NUP133: variants seen among roughly 807,000 people sequenced by gnomAD.
NUP133 encodes the protein nuclear pore complex protein Nup133.
NUP133 carries 66 observed loss-of-function variants against 146.2 expected under a neutral mutation model. The observed-to-expected ratio is 0.45, with a 90% CI of 0.37 to 0.55. The LOEUF is 0.55. Among genes scored for constraint, NUP133 ranks in the 20% least tolerant of loss-of-function variants. The pLI, the probability that NUP133 is intolerant of heterozygous loss-of-function variation, is 0.00. For missense variants in NUP133, 1,277 were observed against 1,374.8 expected, an observed-to-expected ratio of 0.93 and a Z score of 1.12; for synonymous variants, 521 against 498.8, an observed-to-expected ratio of 1.04 and a Z score of -0.59.
Position 229,502,106 on chromosome 1 carries a change from A to C in NUP133, c.302-4T>G. The C allele has an allele frequency of 6.2e-7, 1 of 1,609,058 alleles. No homozygotes were observed. On this transcript the variant is annotated splice_region_variant and splice_polypyrimidine_tract_variant and intron_variant, in intron 2 of 25. Transcript: ENST00000261396. ...TTAATGGTCAGCTGGTCATCGACTA[A>C]AGGAAAAAATGAGGTGGGTGATTAA...
At chr1:229,461,401 C>A (rs1338315135) in intron 19 of NUP133, among the ~76,000 whole-genome samples, 2 of 152,178 alleles carry the variant, frequency 1.3e-5, no homozygotes, top group African/African-American at 2.4e-5. Context: ...GATACTTTCC[C>A]TAAAGCAGGG....
chr1:229,468,958 C>T (rs149796244), intron 15 of NUP133, among the ~76,000 whole-genome samples: 73 of 152,250 alleles, frequency 4.8e-4, no homozygotes, highest in African/African-American at 1.5e-3. Flanking sequence ...ACACTAAACA[C>T]ATTTATGGAA....
At chr1:229,446,007 A>C (rs905951943) in intron 24 of NUP133, among the ~76,000 whole-genome samples, 2 of 152,214 alleles carry the variant, frequency 1.3e-5, no homozygotes, top group Non-Finnish European at 1.5e-5. Flanking sequence ...TCCTGGAAAG[A>C]ATTTGTTCCT....
chr1:229,466,129 G>A (rs115465976), intron 16 of NUP133, among the ~76,000 whole-genome samples: 4,607 of 152,152 alleles, frequency 0.03, 241 homozygotes, highest in African/African-American at 0.1. Flanking sequence ...GCAAGGTTTT[G>A]AGTAATTAAA....
chr1:229,478,713 A>C (rs1435421563), intron 12 of NUP133, among the ~76,000 whole-genome samples: 3 of 152,192 alleles, frequency 2.0e-5, no homozygotes, highest in African/African-American at 7.2e-5. Context: ...CACATGAAGA[A>C]ACGAGGGATA....
intron 24 of NUP133, among the ~76,000 whole-genome samples, chr1:229,446,864 C>G (rs12057446): frequency 6.6e-6 from 1 of 152,072 alleles, no homozygotes; most frequent in Non-Finnish European, 1.5e-5. Context: ...TGGTGGCTCA[C>G]GTCTGTAATC....
intron 24 of NUP133, among the ~76,000 whole-genome samples, chr1:229,446,135 G>A (rs1171567226): frequency 1.3e-5 from 2 of 152,166 alleles, no homozygotes; most frequent in African/African-American, 2.4e-5. Flanking sequence ...TGCCAGGCGC[G>A]GTGGCTCATG....
At chr1:229,480,855 T>A (rs1337454371) in intron 12 of NUP133, among the ~76,000 whole-genome samples, 1 of 141,102 alleles carries the variant, frequency 7.1e-6, no homozygotes, top group African/African-American at 3.0e-5. Context: ...CCCAGCTATT[T>A]TTTTTTTTTT....
At chr1:229,503,135 G>GGGCATGGT (rs1348881618) in intron 2 of NUP133, among the ~76,000 whole-genome samples, 3 of 151,928 alleles carry the variant, frequency 2.0e-5, no homozygotes, top group Admixed American at 6.6e-5. Flanking sequence ...CCAGGCATGG[G>GGGCATGGT]GGCATGGTGG....
intron 19 of NUP133, among the ~76,000 whole-genome samples, chr1:229,461,010 T>C (rs548135501): frequency 3.1e-4 from 47 of 152,314 alleles, no homozygotes; most frequent in African/African-American, 1.1e-3. Context: ...AGATGTGCGC[T>C]GGCCAATATG....
At chr1:229,492,197 C>A (rs1283738531) in intron 8 of NUP133, among the ~76,000 whole-genome samples, 1 of 151,826 alleles carries the variant, frequency 6.6e-6, no homozygotes, top group African/African-American at 2.4e-5. Context: ...ACCTCCGCCT[C>A]CTGGGTTCAA....
intron 8 of NUP133, among the ~76,000 whole-genome samples, chr1:229,492,152 G>T (rs1306463367): frequency 6.6e-6 from 1 of 151,244 alleles, no homozygotes; most frequent in Non-Finnish European, 1.5e-5. Context: ...TGTTGCCCAG[G>T]CTGCAGTGCC....
intron 14 of NUP133, among the ~76,000 whole-genome samples, chr1:229,475,277 G>A (rs16849824): frequency 0.045 from 6,887 of 152,204 alleles, 455 homozygotes; most frequent in African/African-American, 0.15. Flanking sequence ...CACAATATAT[G>A]TGAGGATAAC....
intron 24 of NUP133, among the ~76,000 whole-genome samples, chr1:229,448,602 A>T (rs1660367205): frequency 2.0e-5 from 3 of 152,146 alleles, no homozygotes; most frequent in Non-Finnish European, 4.4e-5. Context: ...TCTGTGTAAG[A>T]AGTAGCCATT....
intron 9 of NUP133, 52 bp from the exon 10 acceptor site, chr1:229,487,665 T>TGTTG: frequency 7.4e-7 from 1 of 1,354,756 alleles, no homozygotes; most frequent in Non-Finnish European, 1.0e-6. Context: ...CAAAAATATT[T>TGTTG]GTATGATTTT....
chr1:229,477,474 T>A (rs1661105949), intron 13 of NUP133, 123 bp downstream of exon 13: 1 of 746,152 alleles, frequency 1.3e-6, no homozygotes, highest in African/African-American at 1.8e-5. Context: ...CACAATATTT[T>A]AAAAAATATT....
At chr1:229,481,423 C>A (rs748946055) in intron 12 of NUP133, among the ~76,000 whole-genome samples, 65 of 152,014 alleles carry the variant, frequency 4.3e-4, no homozygotes, top group Non-Finnish European at 6.9e-4. Context: ...AAGAAGGCCA[C>A]GTGGGCTGGG....
chr1:229,489,696 C>A (rs1661459789), intron 9 of NUP133, among the ~76,000 whole-genome samples: 1 of 152,162 alleles, frequency 6.6e-6, no homozygotes, highest in Non-Finnish European at 1.5e-5. Context: ...CATGGTGAAA[C>A]CCTGTCTCTG....
chr1:229,475,866 T>C, intron 13 of NUP133, 134 bp from the exon 14 acceptor site: 1 of 660,266 alleles, frequency 1.5e-6, no homozygotes, highest in Non-Finnish European at 2.7e-6. Context: ...TCCGAGCACT[T>C]TGGGAGGTCG....
Sources: allele counts gnomAD v4.1 joint callset (sites outside exome capture counted in the v4.1 genomes callset), GRCh38; gene constraint gnomAD v4.1.1; transcripts MANE v1.5; gene names NCBI Gene and HGNC (gene_info 2026-07-23, HGNC 2026-07-21).